Variants in OLA1 observed in about 807,000 individuals in gnomAD.
OLA1 encodes the protein Obg like ATPase 1.
OLA1 carries 14 observed loss-of-function variants against 48.4 expected under a neutral mutation model. The observed-to-expected ratio is 0.29, with a 90% CI of 0.19 to 0.45. The LOEUF (loss-of-function observed/expected upper bound fraction) is 0.45, where lower values mean the gene tolerates loss of function less well. OLA1 is among the 20% of genes least tolerant of loss of function. The pLI is 1.00. For synonymous variants in OLA1, 127 were observed against 150.4 expected (o/e 0.84, Z 1.14); for missense variants, 325 against 467.1 (o/e 0.70, Z 2.80).
At chr2:174,200,163 G>A (rs1003082249) in intron 4 of OLA1, among the ~76,000 whole-genome samples, 5 of 151,476 alleles carry the variant, frequency 3.3e-5, no homozygotes, top group Admixed American at 1.3e-4. Flanking sequence ...TTTTTAATAC[G>A]GTAAATACTG....
chr2:174,130,669 A>G (rs9679651), intron 5 of OLA1, among the ~76,000 whole-genome samples: 143,885 of 152,260 alleles, frequency 0.94, 68,456 homozygotes, highest in Non-Finnish European at 1. Context: ...AGGGTCTGGA[A>G]GTTGTGGGGA....
rs2105334287 is a variant in OLA1 at position 174,073,428 on chromosome 2, AT to A, written c.*1997del. 1 of 152,372 alleles carries A rather than the reference AT, an allele frequency of 6.6e-6. No individual in the cohort carries two copies. The highest frequency in any genetic ancestry group is 1.5e-5 in the Non-Finnish European group (1 of 68,032). 9.4% of individuals were successfully genotyped at this position (152,372 alleles called of 1,614,324 possible). A position where few individuals can be genotyped will look rare whatever the true frequency, so the allele number is the denominator to read the frequency against. ...GGAGGGAAAACGTTTAGATATAGGC[AT>A]ATATATGATTATATGTAACAGTTCT... On this transcript the variant is annotated 3_prime_UTR_variant, in exon 11 of 11. Coordinates refer to ENST00000284719, the MANE Select transcript of OLA1 (RefSeq NM_013341.5).
At chr2:174,203,289 G>T (rs925676650) in intron 4 of OLA1, among the ~76,000 whole-genome samples, 1 of 152,054 alleles carries the variant, frequency 6.6e-6, no homozygotes, top group Non-Finnish European at 1.5e-5. Context: ...AACAGAAAGG[G>T]ATTTTAACAA....
At chr2:174,226,141 G>C (rs1169082157) in intron 3 of OLA1, among the ~76,000 whole-genome samples, 1 of 40,366 alleles carries the variant, frequency 2.5e-5, no homozygotes, top group African/African-American at 7.7e-5. Flanking sequence ...GGAGCTTGCA[G>C]TGAGCCGAGA....
intron 7 of OLA1, among the ~76,000 whole-genome samples, chr2:174,083,381 GA>G (rs1234964245): frequency 6.6e-6 from 1 of 152,020 alleles, no homozygotes; most frequent in Non-Finnish European, 1.5e-5. Flanking sequence ...AGAAAGGAAT[GA>G]AAAACAATCA....
intron 2 of OLA1, among the ~76,000 whole-genome samples, chr2:174,238,868 C>T (rs1242147826): frequency 2.0e-5 from 3 of 151,862 alleles, no homozygotes; most frequent in Non-Finnish European, 4.4e-5. Flanking sequence ...GTAGAAAGCA[C>T]TCAAAAAATA....
chr2:174,235,555 C>T (rs1688828383), intron 2 of OLA1, among the ~76,000 whole-genome samples: 1 of 152,118 alleles, frequency 6.6e-6, no homozygotes, highest in African/African-American at 2.4e-5. Context: ...AACAAATAAA[C>T]TAAGCTCTAC....
rs1398867599 is a variant in OLA1 at position 174,232,994 on chromosome 2, T to C, written c.102-3543A>G. Among the ~76,000 whole-genome samples, 7 of 152,328 alleles carry C rather than the reference T, an allele frequency of 4.6e-5. No homozygotes were observed. In the East Asian group the frequency reaches 1.3e-3, roughly 29 times the overall value. Reference sequence around the variant, plus strand: ...ATGAATGGATAAAGAAAATGTTATCTACATATGATAGAACATTACTCAGCC... The same window carrying C: ...ATGAATGGATAAAGAAAATGTTATCCACATATGATAGAACATTACTCAGCC... On this transcript the variant is annotated intron_variant, in intron 2 of 10. Coordinates refer to ENST00000284719, the MANE Select transcript of OLA1 (RefSeq NM_013341.5).
At chr2:174,223,996 T>C (rs1282838053) in intron 3 of OLA1, among the ~76,000 whole-genome samples, 2 of 152,224 alleles carry the variant, frequency 1.3e-5, no homozygotes, top group Non-Finnish European at 2.9e-5. Flanking sequence ...TTTAATGTCA[T>C]ATGACAAAGG....
At chr2:174,202,525 T>C (rs1376884454) in intron 4 of OLA1, among the ~76,000 whole-genome samples, 1 of 152,178 alleles carries the variant, frequency 6.6e-6, no homozygotes, top group Non-Finnish European at 1.5e-5. Flanking sequence ...AAACCTTGAA[T>C]AACACCATGG....
intron 5 of OLA1, among the ~76,000 whole-genome samples, chr2:174,140,972 A>C (rs1686432983): frequency 6.6e-6 from 1 of 151,866 alleles, no homozygotes; most frequent in African/African-American, 2.4e-5. Context: ...TCACTCTATC[A>C]CCAGGCTGGA....
intron 7 of OLA1, among the ~76,000 whole-genome samples, chr2:174,118,914 C>T (rs1376902749): frequency 1.3e-5 from 2 of 151,982 alleles, no homozygotes; most frequent in East Asian, 3.9e-4. Flanking sequence ...AAAGTGCTTT[C>T]GTATATAATT....
intron 5 of OLA1, among the ~76,000 whole-genome samples, chr2:174,126,297 A>C (rs1483258461): frequency 6.6e-6 from 1 of 152,112 alleles, no homozygotes; most frequent in Non-Finnish European, 1.5e-5. Context: ...GATGATTAGA[A>C]CAATAAAAGG....
At chr2:174,096,299 T>C (rs1298824716) in intron 7 of OLA1, among the ~76,000 whole-genome samples, 1 of 152,204 alleles carries the variant, frequency 6.6e-6, no homozygotes, top group Non-Finnish European at 1.5e-5. Context: ...TGCTTGTTAA[T>C]AGGCATGGGT....
chr2:174,139,757 C>G (rs561468955), intron 5 of OLA1, among the ~76,000 whole-genome samples: 1 of 151,038 alleles, frequency 6.6e-6, no homozygotes, highest in Non-Finnish European at 1.5e-5. Context: ...CCCAGCCACT[C>G]AGGAGGCTGA....
chr2:174,190,369 T>C (rs896153234), intron 4 of OLA1, among the ~76,000 whole-genome samples: 9 of 152,096 alleles, frequency 5.9e-5, no homozygotes, highest in African/African-American at 2.2e-4. Flanking sequence ...ATTATGACTA[T>C]AAACCGAATA....
chr2:174,240,454 G>A (rs1450822557), intron 2 of OLA1: 1 of 152,084 alleles, frequency 6.6e-6, no homozygotes, highest in Non-Finnish European at 1.5e-5. Context: ...GGGCACCACT[G>A]AGACCAGCTC....
At chr2:174,095,325 G>GTTTTTTTTTTTTTTTTTTTT (rs1205716344) in intron 7 of OLA1, among the ~76,000 whole-genome samples, 13 of 77,984 alleles carry the variant, frequency 1.7e-4, no homozygotes, top group East Asian at 6.2e-4. Flanking sequence ...GTTATTTCCT[G>GTTTTTTTTTTTTTTTTTTTT]TTTTTTTTTT....
At chr2:174,227,111 A>G (rs1485717948) in intron 3 of OLA1, among the ~76,000 whole-genome samples, 1 of 151,862 alleles carries the variant, frequency 6.6e-6, no homozygotes, top group Non-Finnish European at 1.5e-5. Context: ...AAAAAGAAAG[A>G]AAGAAAAGAA....
Sources: allele counts gnomAD v4.1 joint callset (sites outside exome capture counted in the v4.1 genomes callset), GRCh38; gene constraint gnomAD v4.1.1; transcripts MANE v1.5; gene names NCBI Gene and HGNC (gene_info 2026-07-23, HGNC 2026-07-21).